Variants in SLC30A5 observed in about 807,000 individuals in gnomAD.
SLC30A5 encodes proton-coupled zinc antiporter SLC30A5.
In SLC30A5, 33 loss-of-function variants were observed where a neutral mutation model predicts 79.6. The observed-to-expected ratio is 0.41, with a 90% CI of 0.31 to 0.55. The LOEUF (loss-of-function observed/expected upper bound fraction) is 0.55, where lower values mean the gene tolerates loss of function less well. SLC30A5 is among the 20% of genes least tolerant of loss of function. The pLI, the probability that SLC30A5 is intolerant of heterozygous loss-of-function variation, is 0.20. For synonymous variants in SLC30A5, 299 were observed against 319.7 expected, an observed-to-expected ratio of 0.94 and a Z score of 0.69; for missense variants, 788 against 928.1, an observed-to-expected ratio of 0.85 and a Z score of 1.96.
intron 13 of SLC30A5, among the ~76,000 whole-genome samples, chr5:69,122,683 T>C (rs867916066): frequency 2.0e-4 from 31 of 152,252 alleles, no homozygotes; most frequent in African/African-American, 7.2e-4. Context: ...ATATATTTGT[T>C]CTTAAATGTT....
chr5:69,115,819 T>A, intron 8 of SLC30A5, 107 bp from the exon 9 acceptor site: 1 of 915,072 alleles, frequency 1.1e-6, no homozygotes, highest in Non-Finnish European at 1.7e-6. Context: ...TTATGAATCA[T>A]ATTGAATCAT....
intron 3 of SLC30A5, 56 bp from the exon 4 acceptor site, chr5:69,104,575 A>T: frequency 1.4e-6 from 2 of 1,464,888 alleles, no homozygotes; most frequent in Middle Eastern, 2.2e-4. Context: ...TAAAATTTGG[A>T]TATATAGCAA....
intron 1 of SLC30A5, among the ~76,000 whole-genome samples, chr5:69,095,461 A>C (rs1335513456): frequency 1.3e-5 from 2 of 152,250 alleles, no homozygotes; most frequent in East Asian, 3.9e-4. Flanking sequence ...CGGTCTTCCA[A>C]AGTGCCGGGA....
Position 69,127,639 on chromosome 5 carries a change from C to CA in SLC30A5, c.1999-357dup, listed in dbSNP as rs1029904109. Among the ~76,000 whole-genome samples the CA allele has an allele frequency of 9.9e-5, 15 of 151,534 alleles. No individual in the cohort carries two copies. The South Asian group carries it at 1.5e-3, about 15-fold the overall frequency. On this transcript the variant is annotated intron_variant, in intron 14 of 15. Coordinates refer to ENST00000396591, the MANE Select transcript of SLC30A5 (RefSeq NM_022902.5). Reference sequence around the variant, plus strand: ...AGCCTGCGACAGAGCAAGACTGTCTCAAAAAAAACAAAAACGAACAAAATA... The same window carrying CA: ...AGCCTGCGACAGAGCAAGACTGTCTCAAAAAAAAACAAAAACGAACAAAATA...
chr5:69,109,355 T>TA (rs758113944), intron 5 of SLC30A5, among the ~76,000 whole-genome samples: 3,593 of 145,640 alleles, frequency 0.025, 54 homozygotes, highest in Non-Finnish European at 0.03. Context: ...AATCAAAAAT[T>TA]AAAAAAAAAA....
At chr5:69,094,498 G>A (rs558596180) in intron 1 of SLC30A5, among the ~76,000 whole-genome samples, 160 bp downstream of exon 1, 11 of 152,192 alleles carry the variant, frequency 7.2e-5, no homozygotes, top group Admixed American at 5.9e-4. Context: ...CGGGCTCCCC[G>A]GGCTCTTCGG....
rs752484253 is a variant in SLC30A5 at position 69,123,402 on chromosome 5, G to C, written c.1975G>C (p.Glu659Gln). 6.2e-7 allele frequency: 1 copy of C among 1,612,992 alleles called. No individual in the cohort carries two copies. Among genetic ancestry groups the C allele is most frequent in the Admixed American group, 1.7e-5 (1 of 60,010 alleles). The stretch of plus-strand genomic sequence containing the variant: ...GAGATTGCCACCAGAATATGAAAAA[G>C]AACTACATATTGCTTTAGAAAAGGT... ...LLRLPPEYEKELHIALEKIQK... is the reference protein window; with the variant it reads ...LLRLPPEYEKQLHIALEKIQK... Residue 659 changes from glutamate (E) to glutamine (Q), a missense_variant, in exon 14 of 16, where the codon GAA becomes CAA. Around this residue, in one of 3 missense-constraint regions of SLC30A5, gnomAD observed 158 missense variants for 156.2 expected, o/e 1.01. Coordinates refer to ENST00000396591, the MANE Select transcript of SLC30A5 (RefSeq NM_022902.5).
intron 1 of SLC30A5, among the ~76,000 whole-genome samples, chr5:69,096,576 A>G (rs1745737808): frequency 6.6e-6 from 1 of 152,130 alleles, no homozygotes. Flanking sequence ...AAAATGTGGA[A>G]ATTAAAAAGA....
chr5:69,122,840 T>TA (rs33937234), intron 13 of SLC30A5, among the ~76,000 whole-genome samples: 1 of 151,806 alleles, frequency 6.6e-6, no homozygotes, highest in East Asian at 1.9e-4. Flanking sequence ...TATTGCACTA[T>TA]AAAAAAAATG....
chr5:69,118,299 G>GTATATATATGTGTATATATATATATGTA (rs1554053868), intron 11 of SLC30A5, 200 bp from the exon 12 acceptor site: 2 of 141,704 alleles, frequency 1.4e-5, no homozygotes, highest in Non-Finnish European at 2.9e-5. Flanking sequence ...TATATAACGT[G>GTATATATATGTGTATATATATATATGTA]TATATATATG....
chr5:69,105,440 G>C (rs1467440026), intron 4 of SLC30A5, among the ~76,000 whole-genome samples: 1 of 152,198 alleles, frequency 6.6e-6, no homozygotes, highest in East Asian at 1.9e-4. Context: ...CAGCACTGTG[G>C]CTCACGCCTG....
In SLC30A5 at chr5:69,115,216, CTT is replaced by C. The variant is rs1470973643; in HGVS notation, c.613-20_613-19del. 2 of 1,497,216 alleles carry C rather than the reference CTT, an allele frequency of 1.3e-6. No individual in the cohort carries two copies. Among genetic ancestry groups the C allele is most frequent in the Non-Finnish European group, 1.8e-6 (2 of 1,099,342 alleles). 92.7% of individuals were successfully genotyped at this position (1,497,216 alleles called of 1,614,324 possible). Reference sequence around the variant, plus strand: ...TGAACTGTGTGTGTTTCTAATGAGACTTATCTAATTTTACTCACAGGGTGGAG... The same window carrying C: ...TGAACTGTGTGTGTTTCTAATGAGACATCTAATTTTACTCACAGGGTGGAG... On this transcript the variant is annotated intron_variant, in intron 7 of 15. Coordinates refer to ENST00000396591, the MANE Select transcript of SLC30A5 (RefSeq NM_022902.5).
intron 1 of SLC30A5, among the ~76,000 whole-genome samples, chr5:69,095,295 G>T (rs1745693664): frequency 6.8e-6 from 1 of 147,490 alleles, no homozygotes; most frequent in Non-Finnish European, 1.5e-5. Flanking sequence ...CCGCTTCCCG[G>T]GTTCAAAAGA....
intron 1 of SLC30A5, among the ~76,000 whole-genome samples, chr5:69,096,109 T>C (rs576933344): frequency 6.6e-6 from 1 of 152,256 alleles, no homozygotes; most frequent in African/African-American, 2.4e-5. Context: ...AGTAGACAGC[T>C]CTGCTGGTTT....
At position 69,114,501 on chromosome 5, in the gene SLC30A5, G is replaced by T. The variant is rs1746310812; in HGVS notation, c.612+5G>T. 1.9e-6 allele frequency: 3 copies of T among 1,551,960 alleles called. No individual in the cohort carries two copies. The highest frequency in any genetic ancestry group is 2.7e-6 in the Non-Finnish European group (3 of 1,125,782). On this transcript the variant is annotated splice_donor_5th_base_variant and intron_variant, in intron 7 of 15. Transcript: ENST00000396591. Reference sequence around the variant, plus strand: ...TTAGGTGTGGCAGATCACAAGGTATGATTTCTTTGTTCCTAACAGGATCAA... The same window carrying T: ...TTAGGTGTGGCAGATCACAAGGTATTATTTCTTTGTTCCTAACAGGATCAA...
At chr5:69,129,238 A>G (rs1046596956) in intron 15 of SLC30A5, among the ~76,000 whole-genome samples, 1 of 152,180 alleles carries the variant, frequency 6.6e-6, no homozygotes, top group African/African-American at 2.4e-5. Context: ...AGCATCCCTA[A>G]TCTGAAAATC....
intron 5 of SLC30A5, among the ~76,000 whole-genome samples, chr5:69,110,896 A>T (rs1475120619): frequency 1.3e-5 from 2 of 151,682 alleles, no homozygotes; most frequent in African/African-American, 2.4e-5. Context: ...GAAAACATTT[A>T]AAAAAAAAGT....
intron 5 of SLC30A5, among the ~76,000 whole-genome samples, chr5:69,109,538 A>G (rs1253486474): frequency 1.3e-5 from 2 of 152,190 alleles, no homozygotes; most frequent in African/African-American, 4.8e-5. Flanking sequence ...ATGCATCACC[A>G]CAATGATCTC....
At position 69,123,245 on chromosome 5, in the gene SLC30A5, G is replaced by C. The variant is rs143270819; in HGVS notation, c.1818G>C (p.Val606=). Residue 606 remains valine (V), a synonymous_variant, in exon 14 of 16, where the codon GTG becomes GTC. Transcript: ENST00000396591. ...CAGATACACTTGGCAGCATTGGTGT[G>C]ATCGTATCCACAGTTCTTATAGAGC... ...VLADTLGSIG[V]IVSTVLIEQF... 1.1e-5 allele frequency: 17 copies of C among 1,613,694 alleles called. No homozygotes were observed. The highest frequency in any genetic ancestry group is 1.3e-5 in the Non-Finnish European group (15 of 1,179,900).
Sources: gnomAD v4.1 joint callset for allele counts (sites outside exome capture counted in the v4.1 genomes callset) on GRCh38, gnomAD v4.1.1 for gene constraint, gnomAD v4.1.1 regional missense constraint, MANE v1.5 for transcripts, NCBI Gene and HGNC (gene_info 2026-07-23, HGNC 2026-07-21) for gene names.